ATXN1: variants seen among roughly 807,000 people sequenced by gnomAD.
ATXN1 encodes ataxin-1.
ATXN1 carries 8 observed loss-of-function variants against 56.4 expected under a neutral mutation model. That is an observed-to-expected ratio of 0.14 (90% CI 0.08 to 0.26). ATXN1 has a LOEUF of 0.26. ATXN1 is among the 10% of genes least tolerant of loss of function. The pLI, the probability that ATXN1 is intolerant of heterozygous loss-of-function variation, is 1.00. For synonymous variants in ATXN1, 514 were observed against 494.6 expected (o/e 1.04, Z -0.52); for missense variants, 987 against 1,106.5 (o/e 0.89, Z 1.53).
In ATXN1 at chr6:16,568,101, G is replaced by T. The variant is rs955424707; in HGVS notation, c.-361+17679C>A. 3.9e-5 allele frequency among the ~76,000 whole-genome samples: 6 copies of T among 152,096 alleles called. No individual in the cohort carries two copies. In the South Asian group the frequency reaches 1.0e-3, roughly 26 times the overall value. ...AATACTAGAAAAGGATTATTTCTGC[G>T]CCCCCTTCTTTTAAATAGTTCTCAA... On this transcript the variant is annotated intron_variant, in intron 4 of 7. Transcript: ENST00000436367.
intron 6 of ATXN1, among the ~76,000 whole-genome samples, chr6:16,417,631 G>A (rs896278221): frequency 9.2e-5 from 14 of 151,806 alleles, no homozygotes; most frequent in Admixed American, 2.6e-4. Flanking sequence ...CTAGAGACGG[G>A]GTTTCGCCAT....
intron 5 of ATXN1, among the ~76,000 whole-genome samples, chr6:16,511,501 T>TTCAGG (rs1761080995): frequency 6.6e-6 from 1 of 152,208 alleles, no homozygotes; most frequent in African/African-American, 2.4e-5. Flanking sequence ...GATTGACATA[T>TTCAGG]GTTTCCTTCA....
chr6:16,433,474 A>G (rs1759328161), intron 6 of ATXN1, among the ~76,000 whole-genome samples: 1 of 152,184 alleles, frequency 6.6e-6, no homozygotes, highest in Non-Finnish European at 1.5e-5. Context: ...AGAGGTGGGC[A>G]AAAAACAGCA....
intron 6 of ATXN1, among the ~76,000 whole-genome samples, chr6:16,448,814 T>A (rs1759686295): frequency 6.6e-6 from 1 of 152,224 alleles, no homozygotes; most frequent in African/African-American, 2.4e-5. Flanking sequence ...ACTGCACCTT[T>A]GATGTCCCTA....
At position 16,760,251 on chromosome 6, in the gene ATXN1, C is replaced by T. The variant is rs1581432426; in HGVS notation, c.-730+1047G>A. Among the ~76,000 whole-genome samples, 2 of 151,982 alleles carry T rather than the reference C, an allele frequency of 1.3e-5. No homozygotes were observed. The highest frequency in any genetic ancestry group is 4.8e-5 in the African/African-American group (2 of 41,408). On this transcript the variant is annotated intron_variant, in intron 1 of 7. Coordinates refer to ENST00000436367, the MANE Select transcript of ATXN1 (RefSeq NM_001128164.2). The surrounding 1 kb of genome is among the most constrained non-coding windows in gnomAD (Gnocchi z 5.3). ...GCGCCTCCTCCGCGGCGGCCGCCGC[C>T]TCCTCCTCCTTCCCCTCCTCCTGGC...
chr6:16,497,020 G>C (rs533737674), intron 5 of ATXN1, among the ~76,000 whole-genome samples: 1 of 152,140 alleles, frequency 6.6e-6, no homozygotes, highest in Non-Finnish European at 1.5e-5. Flanking sequence ...TAATTGTTTT[G>C]TCGAATAAGC....
intron 4 of ATXN1, among the ~76,000 whole-genome samples, chr6:16,527,635 A>G (rs1468694255): frequency 8.5e-5 from 13 of 152,068 alleles, no homozygotes; most frequent in Admixed American, 8.5e-4. Context: ...GGGAGTGGTA[A>G]TTTGTGGTGG....
chr6:16,356,565 C>A (rs1214839830), intron 6 of ATXN1, among the ~76,000 whole-genome samples: 1 of 152,134 alleles, frequency 6.6e-6, no homozygotes, highest in Non-Finnish European at 1.5e-5. Flanking sequence ...GGGAAGTAGA[C>A]TGAATTACAA....
chr6:16,389,236 C>G (rs1439679772), intron 6 of ATXN1, among the ~76,000 whole-genome samples: 1 of 150,824 alleles, frequency 6.6e-6, no homozygotes, highest in Non-Finnish European at 1.5e-5. Context: ...ACTCGGGAGG[C>G]TGAGGCAGGA....
In ATXN1 at chr6:16,459,914, G is replaced by A. The variant is rs149626609; in HGVS notation, c.-161+26058C>T. Among the ~76,000 whole-genome samples, 5 of 152,260 alleles carry A rather than the reference G, an allele frequency of 3.3e-5. No homozygotes were observed. The East Asian group carries it at 5.8e-4, about 18-fold the overall frequency. Reference sequence around the variant, plus strand: ...ATCAAGGGTACAAGGCATCTAAATCGAAGGCCCAGCTCTGCCTACAACAAG... The same window carrying A: ...ATCAAGGGTACAAGGCATCTAAATCAAAGGCCCAGCTCTGCCTACAACAAG... On this transcript the variant is annotated intron_variant, in intron 6 of 7. Coordinates refer to ENST00000436367, the MANE Select transcript of ATXN1 (RefSeq NM_001128164.2).
chr6:16,640,303 A>G (rs1236851394), intron 3 of ATXN1, among the ~76,000 whole-genome samples: 1 of 152,212 alleles, frequency 6.6e-6, no homozygotes, highest in Non-Finnish European at 1.5e-5. Flanking sequence ...GAACTTAATC[A>G]GTAAATGTCA....
At chr6:16,652,221 C>T (rs941381572) in intron 3 of ATXN1, 2 of 152,196 alleles carry the variant, frequency 1.3e-5, no homozygotes, top group African/African-American at 4.8e-5. Flanking sequence ...GGGAACTACA[C>T]TCCTCTAAGC....
At chr6:16,636,979 A>G (rs1763609298) in intron 3 of ATXN1, among the ~76,000 whole-genome samples, 1 of 152,234 alleles carries the variant, frequency 6.6e-6, no homozygotes, top group Non-Finnish European at 1.5e-5. Flanking sequence ...CATTTGACCC[A>G]GCCATCCCAT....
chr6:16,664,593 G>A (rs1325966708), intron 2 of ATXN1, among the ~76,000 whole-genome samples: 1 of 152,070 alleles, frequency 6.6e-6, no homozygotes, highest in East Asian at 1.9e-4. Context: ...TCTATGAGGG[G>A]AGAAAGCACT....
chr6:16,597,369 T>A (rs192375756), intron 3 of ATXN1, among the ~76,000 whole-genome samples: 42 of 152,324 alleles, frequency 2.8e-4, no homozygotes, highest in Non-Finnish European at 1.2e-4. Flanking sequence ...AGGAAAATGC[T>A]GCTTCACATG....
intron 5 of ATXN1, among the ~76,000 whole-genome samples, chr6:16,517,025 A>C (rs1446091316): frequency 2.0e-5 from 3 of 152,228 alleles, no homozygotes; most frequent in Non-Finnish European, 2.9e-5. Flanking sequence ...CCCAATACGT[A>C]ATAACAATTA....
rs1375997689 is a variant in ATXN1, at chr6:16,327,735, T to C, written c.576A>G (p.Gly192=). The part of the protein sequence containing the change: ...ANMGSLSQTP[G]HKAEQQQQQQ... ...GCTGCTGCTGCTGCTCAGCCTTGTG[T>C]CCCGGCGTCTGGCTCAGACTGCCCA... Residue 192 remains glycine, a synonymous_variant, in exon 7 of 8, where the codon GGA becomes GGG. Transcript: ENST00000436367. 2 of 1,590,144 alleles carry C rather than the reference T, an allele frequency of 1.3e-6. No homozygotes were observed. The highest frequency in any genetic ancestry group is 1.7e-6 in the Non-Finnish European group (2 of 1,170,126).
intron 4 of ATXN1, among the ~76,000 whole-genome samples, chr6:16,562,441 GAAAA>G (rs1762136577): frequency 8.1e-6 from 1 of 122,784 alleles, no homozygotes; most frequent in Non-Finnish European, 1.7e-5. Flanking sequence ...GAGAAGAAAA[GAAAA>G]GAAAGAAAAG....
At chr6:16,564,374 T>C (rs1581847523) in intron 4 of ATXN1, among the ~76,000 whole-genome samples, 1 of 151,814 alleles carries the variant, frequency 6.6e-6, no homozygotes, top group South Asian at 2.1e-4. Flanking sequence ...CACAGAGAAA[T>C]GAAACTATGT....
Sources: allele counts gnomAD v4.1 joint callset (sites outside exome capture counted in the v4.1 genomes callset), GRCh38; gene constraint gnomAD v4.1.1; non-coding constraint Gnocchi (gnomAD v3.1); transcripts MANE v1.5; gene names NCBI Gene and HGNC (gene_info 2026-07-23, HGNC 2026-07-21).